AP4E1: variants seen among roughly 807,000 people sequenced by gnomAD.
AP4E1 encodes adaptor related protein complex 4 subunit epsilon 1.
A neutral mutation model predicts 128.2 loss-of-function variants in AP4E1; 56 were observed. The ratio of observed to expected loss-of-function variants is 0.44; its 90% confidence interval spans 0.35 to 0.55. AP4E1 has a LOEUF of 0.55. AP4E1 is among the 20% of genes least tolerant of loss of function. AP4E1 has a pLI of 0.00. For missense variants in AP4E1, 1,324 were observed against 1,307.7 expected (o/e 1.01, Z -0.19); for synonymous variants, 484 against 473.1 (o/e 1.02, Z -0.30).
At chr15:50,949,753 A>T (rs2064118760) in intron 11 of AP4E1, 73 bp from the exon 12 acceptor site, 1 of 1,193,278 alleles carries the variant, frequency 8.4e-7, no homozygotes, top group East Asian at 2.4e-5. Context: ...GTTATTTTTT[A>T]AAAGATTGCT....
chr15:50,934,987 A>G (rs187011523), intron 8 of AP4E1, among the ~76,000 whole-genome samples: 1 of 152,252 alleles, frequency 6.6e-6, no homozygotes, highest in Non-Finnish European at 1.5e-5. Context: ...CTGTGAAGAT[A>G]ACTCCATAGA....
intron 16 of AP4E1, among the ~76,000 whole-genome samples, chr15:50,992,821 A>T (rs989113371): frequency 6.6e-6 from 1 of 152,220 alleles, no homozygotes; most frequent in Non-Finnish European, 1.5e-5. Context: ...AAGTAAATTT[A>T]TGGGGAGCAT....
At position 50,908,698 on chromosome 15, in the gene AP4E1, C is replaced by G; in HGVS notation, c.-81C>G. On this transcript the variant is annotated 5_prime_UTR_variant, in exon 1 of 21. Coordinates refer to ENST00000261842, the MANE Select transcript of AP4E1 (RefSeq NM_007347.5). ...AAAAACAGGAAGTGCCTACGGAGGC[C>G]GGGCCGGCAGCGGCGGCCGGGCATG... 1 of 1,381,510 alleles carries G rather than the reference C, an allele frequency of 7.2e-7. No homozygotes were observed. The highest frequency in any genetic ancestry group is 9.4e-7 in the Non-Finnish European group (1 of 1,068,088). The allele number at this position is 1,381,510 out of a possible 1,614,324, so 85.6% of individuals were successfully genotyped here.
chr15:50,996,068 A>G lies in AP4E1; in HGVS notation c.2347-1258A>G, dbSNP rs2064867759. Among the ~76,000 whole-genome samples the G allele has an allele frequency of 2.1e-5, 3 of 143,064 alleles. No homozygotes were observed. The South Asian group carries it at 6.5e-4, about 31-fold the overall frequency. 93.9% of individuals were successfully genotyped at this position (143,064 alleles called of 152,430 possible). A position where few individuals can be genotyped will look rare whatever the true frequency, so the allele number is the denominator to read the frequency against. On this transcript the variant is annotated intron_variant, in intron 17 of 20. Coordinates refer to ENST00000261842, the MANE Select transcript of AP4E1 (RefSeq NM_007347.5). ...CAGTGTCACGATCTCAGCTTACTGC[A>G]ACCTCTGCCTCCCAAGTTCAAGCAA...
intron 11 of AP4E1, among the ~76,000 whole-genome samples, chr15:50,949,029 A>T (rs573034438): frequency 2.0e-5 from 3 of 152,060 alleles, no homozygotes; most frequent in Non-Finnish European, 4.4e-5. Flanking sequence ...GAATGCTGTT[A>T]ATGAAATTAT....
intron 1 of AP4E1, among the ~76,000 whole-genome samples, chr15:50,911,456 T>G (rs2063565445): frequency 6.6e-6 from 1 of 151,478 alleles, no homozygotes; most frequent in Non-Finnish European, 1.5e-5. Context: ...ACATGGAGAA[T>G]TTCTACTCTC....
intron 17 of AP4E1, among the ~76,000 whole-genome samples, chr15:50,995,017 C>T (rs2064850075): frequency 1.3e-5 from 2 of 152,110 alleles, no homozygotes; most frequent in East Asian, 1.9e-4. Context: ...CCCTGAATTC[C>T]GTAAGGAATT....
Position 50,993,859 on chromosome 15 carries a change from A to C in AP4E1, c.2346+234A>C, listed in dbSNP as rs58571162. 1.1e-3 allele frequency among the ~76,000 whole-genome samples: 164 copies of C among 152,342 alleles called. 1 individual carries two copies. Among genetic ancestry groups the C allele is most frequent in the African/African-American group, 3.8e-3 (159 of 41,590 alleles). On this transcript the variant is annotated intron_variant, in intron 17 of 20. Coordinates refer to ENST00000261842, the MANE Select transcript of AP4E1 (RefSeq NM_007347.5). ...GTCAGGTGTTCTCTGTAGCCCAGTCAGTGGACAAGGGTCAGGCTCCAAATA... is the reference window on the plus strand; with the variant it reads ...GTCAGGTGTTCTCTGTAGCCCAGTCCGTGGACAAGGGTCAGGCTCCAAATA...
At chr15:50,950,778 C>A (rs2064137811) in intron 13 of AP4E1, among the ~76,000 whole-genome samples, 1 of 152,142 alleles carries the variant, frequency 6.6e-6, no homozygotes, top group Admixed American at 6.5e-5. Context: ...ACCCCCACCA[C>A]CCTCCCTGAT....
intron 15 of AP4E1, among the ~76,000 whole-genome samples, chr15:50,977,164 T>C (rs2064562879): frequency 6.6e-6 from 1 of 152,208 alleles, no homozygotes; most frequent in African/African-American, 2.4e-5. Context: ...GAAAAGCTCC[T>C]GGGTTTCCAC....
At chr15:50,943,706 G>A (rs762573366) in intron 10 of AP4E1, among the ~76,000 whole-genome samples, 11 of 152,064 alleles carry the variant, frequency 7.2e-5, no homozygotes, top group Non-Finnish European at 1.5e-4. Context: ...ACACCCATTG[G>A]ATGCCTGAAA....
intron 1 of AP4E1, among the ~76,000 whole-genome samples, chr15:50,909,265 G>A (rs2063534896): frequency 6.6e-6 from 1 of 152,190 alleles, no homozygotes; most frequent in Non-Finnish European, 1.5e-5. Flanking sequence ...TTGAGGATTG[G>A]GTGAGATGTC....
chr15:50,945,760 G>T (rs1222771652), intron 10 of AP4E1: 5 of 764,596 alleles, frequency 6.5e-6, no homozygotes, highest in Non-Finnish European at 1.2e-5. Flanking sequence ...TACATCATGA[G>T]AAAAAGCAGC....
intron 11 of AP4E1, among the ~76,000 whole-genome samples, chr15:50,948,497 G>T (rs1461241253): frequency 6.6e-6 from 1 of 151,958 alleles, no homozygotes; most frequent in Non-Finnish European, 1.5e-5. Flanking sequence ...TTGCTTTTTG[G>T]GGAAAGTGGA....
chr15:50,929,985 A>G (rs779312435), intron 6 of AP4E1, among the ~76,000 whole-genome samples: 7 of 151,792 alleles, frequency 4.6e-5, no homozygotes, highest in Non-Finnish European at 1.5e-5. Context: ...CAGATACATA[A>G]TCAAGGCACA....
At chr15:50,982,855 G>A (rs538658325) in intron 15 of AP4E1, among the ~76,000 whole-genome samples, 54 of 152,258 alleles carry the variant, frequency 3.5e-4, no homozygotes, top group African/African-American at 1.3e-3. Flanking sequence ...CTGAGTTCAT[G>A]TCTGGCTTTG....
intron 14 of AP4E1, among the ~76,000 whole-genome samples, chr15:50,961,419 G>A (rs1355097761): frequency 2.0e-5 from 3 of 151,708 alleles, no homozygotes; most frequent in Non-Finnish European, 2.9e-5. Context: ...ATGATCAAGT[G>A]GAATTTTCCC....
rs1439948458 is a variant in AP4E1 at position 50,948,048 on chromosome 15, A to T, written c.1205A>T (p.Asn402Ile). The change falls in exon 11 of 21, where the codon AAT becomes ATT. Residue 402 changes from asparagine (N) to isoleucine (I), a missense_variant. By Grantham distance (149) the Asn-to-Ile change is moderately radical (BLOSUM62 -3). Coordinates refer to ENST00000261842, the MANE Select transcript of AP4E1 (RefSeq NM_007347.5). Reference protein sequence around the residue: ...ETLELLYRITNAQNITVIVQK... With the variant: ...ETLELLYRITIAQNITVIVQK... ...CTGGAACTTCTTTACAGAATTACTA[A>T]TGCACAGAATATAACAGTTATTGTC... The T allele has an allele frequency of 1.2e-5, 19 of 1,608,012 alleles. No individual in the cohort carries two copies. Among genetic ancestry groups the T allele is most frequent in the African/African-American group, 2.7e-5 (2 of 74,780 alleles).
chr15:50,960,523 T>C (rs561155925), intron 14 of AP4E1, among the ~76,000 whole-genome samples: 39 of 152,240 alleles, frequency 2.6e-4, no homozygotes, highest in African/African-American at 8.7e-4. Flanking sequence ...TTCTGAGTGA[T>C]GATTAGGTCA....
Sources: gnomAD v4.1 joint callset for allele counts (sites outside exome capture counted in the v4.1 genomes callset) on GRCh38, gnomAD v4.1.1 for gene constraint, MANE v1.5 for transcripts, NCBI Gene and HGNC (gene_info 2026-07-23, HGNC 2026-07-21) for gene names.